SPAG16: variants seen among roughly 807,000 people sequenced by gnomAD.
The protein encoded by SPAG16 is sperm associated antigen 16, also known as sperm-associated antigen 16 protein.
Under a neutral mutation model 80.4 loss-of-function variants are expected in SPAG16, and 86 were observed. The observed-to-expected ratio is 1.07, with a 90% CI of 0.90 to 1.28. The LOEUF (loss-of-function observed/expected upper bound fraction) is 1.28. SPAG16 is among the 50% of genes most tolerant of loss of function. SPAG16 has a pLI of 0.00. For missense variants in SPAG16, 870 were observed against 765.3 expected (o/e 1.14, Z -1.61); for synonymous variants, 294 against 265.9 (o/e 1.11, Z -1.03).
chr2:213,464,996 T>G (rs1344500877), intron 9 of SPAG16, among the ~76,000 whole-genome samples: 1 of 152,154 alleles, frequency 6.6e-6, no homozygotes, highest in Non-Finnish European at 1.5e-5. Flanking sequence ...ATCAGAAATC[T>G]GGGGTACTCT....
intron 10 of SPAG16, among the ~76,000 whole-genome samples, chr2:213,691,010 C>A (rs1462854394): frequency 6.6e-6 from 1 of 152,092 alleles, no homozygotes; most frequent in Non-Finnish European, 1.5e-5. Context: ...TGTCTCTCTG[C>A]AGAACCCTGA....
intron 14 of SPAG16, among the ~76,000 whole-genome samples, chr2:214,112,509 T>C (rs748894513): frequency 3.7e-4 from 57 of 152,314 alleles, no homozygotes; most frequent in Non-Finnish European, 7.3e-4. Flanking sequence ...AATGGGTGCA[T>C]ATATATTTAG....
At chr2:213,371,154 A>G (rs1177863872) in intron 8 of SPAG16, among the ~76,000 whole-genome samples, 1 of 152,160 alleles carries the variant, frequency 6.6e-6, no homozygotes, top group Non-Finnish European at 1.5e-5. Context: ...CACGCCTGTA[A>G]TCCCGGCTCT....
At chr2:214,095,413 G>C (rs1346915652) in intron 13 of SPAG16, among the ~76,000 whole-genome samples, 1 of 152,018 alleles carries the variant, frequency 6.6e-6, no homozygotes, top group Admixed American at 6.6e-5. Context: ...CACGGTGACT[G>C]GTGTTCACTT....
intron 9 of SPAG16, among the ~76,000 whole-genome samples, chr2:213,465,220 C>T (rs2072612247): frequency 6.6e-6 from 1 of 152,142 alleles, no homozygotes; most frequent in South Asian, 2.1e-4. Context: ...TCGAGGATTG[C>T]AAAAGCATAC....
chr2:213,577,621 G>A (rs764926570), intron 10 of SPAG16, among the ~76,000 whole-genome samples: 15 of 152,130 alleles, frequency 9.9e-5, no homozygotes, highest in Non-Finnish European at 2.1e-4. Context: ...AATTCTGGTA[G>A]TGACAATAAT....
chr2:213,870,826 A>G (rs1289046007), intron 11 of SPAG16, among the ~76,000 whole-genome samples: 1 of 152,130 alleles, frequency 6.6e-6, no homozygotes, highest in African/African-American at 2.4e-5. Context: ...AAAGAAAATA[A>G]TTTTTAAAAA....
intron 12 of SPAG16, among the ~76,000 whole-genome samples, chr2:213,991,043 T>C (rs1016256928): frequency 2.0e-5 from 3 of 152,250 alleles, no homozygotes; most frequent in African/African-American, 7.2e-5. Flanking sequence ...CTGAGGTACA[T>C]GTGCAGAACG....
intron 11 of SPAG16, among the ~76,000 whole-genome samples, chr2:213,873,371 A>G (rs894436105): frequency 1.8e-4 from 28 of 151,826 alleles, no homozygotes; most frequent in African/African-American, 6.5e-4. Flanking sequence ...ATAATTATTG[A>G]TTTTAATAAT....
At chr2:214,289,727 G>T (rs1212906635) in intron 15 of SPAG16, among the ~76,000 whole-genome samples, 2 of 151,812 alleles carry the variant, frequency 1.3e-5, no homozygotes, top group African/African-American at 4.8e-5. Context: ...TTTTTGGTTT[G>T]ATATGAATTC....
intron 9 of SPAG16, among the ~76,000 whole-genome samples, chr2:213,388,292 G>T (rs1452870346): frequency 6.6e-6 from 1 of 152,182 alleles, no homozygotes; most frequent in East Asian, 1.9e-4. Context: ...AGCAATTGTT[G>T]TTTTATCTTA....
At chr2:213,862,065 G>A (rs2075489579) in intron 10 of SPAG16, among the ~76,000 whole-genome samples, 1 of 152,162 alleles carries the variant, frequency 6.6e-6, no homozygotes, top group African/African-American at 2.4e-5. Flanking sequence ...GATAATGGCT[G>A]ATTTAAGACA....
chr2:213,829,696 G>A (rs1460923123), intron 10 of SPAG16, among the ~76,000 whole-genome samples: 2 of 152,096 alleles, frequency 1.3e-5, no homozygotes, highest in Admixed American at 6.6e-5. Context: ...TTAGGGCCCA[G>A]GGACTATTTC....
intron 10 of SPAG16, among the ~76,000 whole-genome samples, chr2:213,812,117 T>G (rs1405604391): frequency 1.3e-5 from 2 of 152,128 alleles, no homozygotes; most frequent in African/African-American, 4.8e-5. Context: ...AGGAACCTGA[T>G]AAGTGAACTC....
chr2:213,439,195 A>G (rs751781172), intron 9 of SPAG16, among the ~76,000 whole-genome samples: 4 of 152,298 alleles, frequency 2.6e-5, no homozygotes, highest in Non-Finnish European at 5.9e-5. Flanking sequence ...TAAACCAATA[A>G]TTTTGTGATA....
chr2:213,758,546 A>G (rs1301876114), intron 10 of SPAG16, among the ~76,000 whole-genome samples: 1 of 152,138 alleles, frequency 6.6e-6, no homozygotes, highest in Non-Finnish European at 1.5e-5. Flanking sequence ...AAAGTACAAC[A>G]ACTTAAATAA....
At chr2:214,101,210 G>C (rs1161965035) in intron 13 of SPAG16, among the ~76,000 whole-genome samples, 2 of 151,882 alleles carry the variant, frequency 1.3e-5, no homozygotes, top group Non-Finnish European at 2.9e-5. Flanking sequence ...TATTTTGAGG[G>C]AACAAGCTTA....
intron 15 of SPAG16, among the ~76,000 whole-genome samples, chr2:214,387,778 T>C (rs1700842081): frequency 6.6e-6 from 1 of 152,112 alleles, no homozygotes; most frequent in Admixed American, 6.5e-5. Context: ...GGGAAGCCCC[T>C]TATAAAACAT....
intron 9 of SPAG16, among the ~76,000 whole-genome samples, chr2:213,396,883 C>A (rs985084532): frequency 6.6e-6 from 1 of 152,124 alleles, no homozygotes; most frequent in Non-Finnish European, 1.5e-5. Context: ...TCTAATCCTC[C>A]GTAAGGATCC....
Sources: gnomAD v4.1 joint callset for allele counts (sites outside exome capture counted in the v4.1 genomes callset) on GRCh38, gnomAD v4.1.1 for gene constraint, MANE v1.5 for transcripts, NCBI Gene and HGNC (gene_info 2026-07-23, HGNC 2026-07-21) for gene names.